Variants in ADGRB3 observed in about 807,000 individuals in gnomAD.
The protein encoded by ADGRB3 is adhesion G protein-coupled receptor B3.
In ADGRB3, 37 loss-of-function variants were observed where a neutral mutation model predicts 193.4. The observed-to-expected ratio is 0.19, with a 90% CI of 0.15 to 0.25. ADGRB3 has a LOEUF of 0.25. ADGRB3 is among the 10% of genes least tolerant of loss of function. The pLI is 1.00. For missense variants in ADGRB3, 1,637 were observed against 1,852.9 expected, an observed-to-expected ratio of 0.88 and a Z score of 2.14; for synonymous variants, 690 against 644.2, an observed-to-expected ratio of 1.07 and a Z score of -1.08.
chr6:69,149,924 CTGTGTGTGTGTGTGTGTGTGTGTGTG>C (rs1167142377), intron 17 of ADGRB3, among the ~76,000 whole-genome samples: 7 of 128,886 alleles, frequency 5.4e-5, no homozygotes, highest in African/African-American at 1.8e-4. Context: ...GTCTGTCTTT[CTGTGTGTGTGTGTGTGTGTGTGTGTG>C]TGTGTGTGTG....
chr6:68,795,387 A>T (rs1767186891), intron 3 of ADGRB3, among the ~76,000 whole-genome samples: 1 of 152,154 alleles, frequency 6.6e-6, no homozygotes, highest in Non-Finnish European at 1.5e-5. Flanking sequence ...AGAAAAGCAC[A>T]GAAATCTCAG....
At chr6:69,253,475 A>G (rs1008130267) in intron 20 of ADGRB3, among the ~76,000 whole-genome samples, 17 of 152,228 alleles carry the variant, frequency 1.1e-4, no homozygotes, top group African/African-American at 4.1e-4. Flanking sequence ...TTCCTGAAAT[A>G]AGATCATTAG....
intron 3 of ADGRB3, among the ~76,000 whole-genome samples, chr6:68,848,505 G>A (rs1378596606): frequency 6.6e-6 from 1 of 151,914 alleles, no homozygotes; most frequent in Non-Finnish European, 1.5e-5. Flanking sequence ...AAAAGCAAGT[G>A]GCTATGATTC....
intron 13 of ADGRB3, among the ~76,000 whole-genome samples, chr6:69,021,513 AGGCACATGT>A (rs1158845199): frequency 1.3e-5 from 2 of 151,926 alleles, no homozygotes; most frequent in African/African-American, 4.8e-5. Flanking sequence ...GTGCTATTAG[AGGCACATGT>A]ATAGCAAATA....
intron 13 of ADGRB3, among the ~76,000 whole-genome samples, chr6:69,020,778 G>A (rs1755497877): frequency 6.6e-6 from 1 of 151,954 alleles, no homozygotes; most frequent in African/African-American, 2.4e-5. Context: ...TGCTAGCTCA[G>A]GGACTGACTG....
chr6:69,283,380 A>G (rs1455986502), intron 20 of ADGRB3, among the ~76,000 whole-genome samples: 1 of 152,086 alleles, frequency 6.6e-6, no homozygotes, highest in Non-Finnish European at 1.5e-5. Context: ...CAAGGATTGG[A>G]GAGGGAGCTC....
chr6:69,275,372 G>T (rs1767280433), intron 20 of ADGRB3, among the ~76,000 whole-genome samples: 1 of 151,808 alleles, frequency 6.6e-6, no homozygotes, highest in Non-Finnish European at 1.5e-5. Flanking sequence ...AAACTAAAAA[G>T]AAAAATAGGA....
intron 3 of ADGRB3, among the ~76,000 whole-genome samples, chr6:68,921,309 A>G (rs1346959586): frequency 6.6e-6 from 1 of 152,210 alleles, no homozygotes; most frequent in Non-Finnish European, 1.5e-5. Flanking sequence ...TGAAAATAAA[A>G]TACAGAAAAA....
chr6:69,107,593 A>T (rs1400365573), intron 17 of ADGRB3, among the ~76,000 whole-genome samples: 1 of 152,222 alleles, frequency 6.6e-6, no homozygotes, highest in Non-Finnish European at 1.5e-5. Context: ...TGAGTTAAAA[A>T]GTGGTAACCA....
chr6:69,213,866 C>T (rs988470440), intron 17 of ADGRB3, among the ~76,000 whole-genome samples: 2 of 152,060 alleles, frequency 1.3e-5, no homozygotes, highest in Admixed American at 6.6e-5. Flanking sequence ...CTTTGCTCAA[C>T]GAACCCTCAT....
At chr6:68,824,275 T>C (rs983473965) in intron 3 of ADGRB3, among the ~76,000 whole-genome samples, 3 of 152,004 alleles carry the variant, frequency 2.0e-5, no homozygotes, top group Admixed American at 2.0e-4. Context: ...GTTTTGTCTT[T>C]TAGGTCAGTA....
At chr6:68,825,610 C>T (rs1009656015) in intron 3 of ADGRB3, among the ~76,000 whole-genome samples, 3 of 152,254 alleles carry the variant, frequency 2.0e-5, no homozygotes, top group African/African-American at 7.2e-5. Context: ...TCCCCATAAT[C>T]CCTATGTGTC....
chr6:69,213,275 T>G (rs1487034905), intron 17 of ADGRB3, among the ~76,000 whole-genome samples: 1 of 152,184 alleles, frequency 6.6e-6, no homozygotes, highest in Non-Finnish European at 1.5e-5. Context: ...TGCACTTCAC[T>G]CTCACATTAT....
intron 17 of ADGRB3, among the ~76,000 whole-genome samples, chr6:69,177,896 G>A (rs925779067): frequency 6.6e-6 from 1 of 152,158 alleles, no homozygotes; most frequent in Non-Finnish European, 1.5e-5. Flanking sequence ...GTGCAGATGA[G>A]GAAAATGTAT....
At chr6:69,265,905 C>G (rs1767029828) in intron 20 of ADGRB3, among the ~76,000 whole-genome samples, 1 of 151,862 alleles carries the variant, frequency 6.6e-6, no homozygotes, top group Admixed American at 6.6e-5. Context: ...GTTTGTTTAC[C>G]TCAGTCTCTG....
intron 17 of ADGRB3, among the ~76,000 whole-genome samples, chr6:69,167,986 T>C (rs1775173105): frequency 1.3e-5 from 2 of 152,162 alleles, no homozygotes; most frequent in African/African-American, 4.8e-5. Flanking sequence ...TTACCTTGCA[T>C]TGCAAAATGA....
chr6:68,975,218 T>C lies in ADGRB3; in HGVS notation c.1628-16T>C. 2 of 1,605,664 alleles carry C rather than the reference T, an allele frequency of 1.2e-6. No homozygotes were observed. Among genetic ancestry groups the C allele is most frequent in the Non-Finnish European group, 1.7e-6 (2 of 1,172,472 alleles). ...TCCCTATTATAAAGCTTCTCTCTGT[T>C]CTTTGTGACACACAGGCACCACTAG... On this transcript the variant is annotated splice_polypyrimidine_tract_variant and intron_variant, in intron 9 of 31. Transcript: ENST00000370598.
intron 17 of ADGRB3, among the ~76,000 whole-genome samples, chr6:69,171,844 T>G (rs1308190057): frequency 6.6e-6 from 1 of 152,206 alleles, no homozygotes; most frequent in African/African-American, 2.4e-5. Context: ...CAATATCAAT[T>G]TTTTTCTTCC....
intron 20 of ADGRB3, among the ~76,000 whole-genome samples, chr6:69,315,009 T>G (rs1768282258): frequency 6.6e-6 from 1 of 151,524 alleles, no homozygotes; most frequent in South Asian, 2.1e-4. Flanking sequence ...ATGGTGCATT[T>G]CTCTGTTTTA....
Sources: gnomAD v4.1 joint callset for allele counts (sites outside exome capture counted in the v4.1 genomes callset) on GRCh38, gnomAD v4.1.1 for gene constraint, MANE v1.5 for transcripts, NCBI Gene and HGNC (gene_info 2026-07-23, HGNC 2026-07-21) for gene names.